The following SPDYE17 variants were observed in gnomAD, a reference collection of about 807,000 sequenced individuals.
SPDYE17 encodes the protein speedy protein E17.
For missense variants in SPDYE17, 7 were observed against 38.0 expected, an observed-to-expected ratio of 0.18 and a Z score of 2.15; for synonymous variants, 4 against 14.8, an observed-to-expected ratio of 0.27 and a Z score of 1.68.
chr7:77,029,698 CTTTT>C (rs1166509214), intron 2 of SPDYE17, among the ~76,000 whole-genome samples: 1 of 41,608 alleles, frequency 2.4e-5, no homozygotes, highest in African/African-American at 1.6e-4. Context: ...CTGAGTCCCT[CTTTT>C]TTTTTTTTTT....
At position 77,025,457 on chromosome 7, in the gene SPDYE17, T is replaced by C. The variant is rs557533111; in HGVS notation, c.495-346A>G. ...AAGACCCTCGTCTCTATTAAAAATA[T>C]AAAAAATACGCCAGACGTGGCTCAT... On this transcript the variant is annotated intron_variant, in intron 5 of 7. Transcript: ENST00000671986. 3.1e-4 allele frequency: 70 copies of C among 223,564 alleles called. 11 individuals carry two copies. The highest frequency in any genetic ancestry group is 1.8e-3 in the Admixed American group (25 of 14,026). 13.8% of individuals were successfully genotyped at this position (223,564 alleles called of 1,614,324 possible). A position where few individuals can be genotyped will look rare whatever the true frequency, so the allele number is the denominator to read the frequency against.
In SPDYE17 at chr7:77,025,517, G is replaced by C. The variant is rs1282041244; in HGVS notation, c.495-406C>G. The C allele has an allele frequency of 6.9e-5, 13 of 188,452 alleles. 2 individuals carry two copies. The highest frequency in any genetic ancestry group is 3.3e-4 in the African/African-American group (12 of 36,456). 11.7% of individuals were successfully genotyped at this position (188,452 alleles called of 1,614,324 possible). A position where few individuals can be genotyped will look rare whatever the true frequency, so the allele number is the denominator to read the frequency against. On this transcript the variant is annotated intron_variant, in intron 5 of 7. Transcript: ENST00000671986. ...CCCAGCGCTTTGGAAGGCTGAAGCA[G>C]GTGGATTGCTTGAGACCAGGAGTTT...
At chr7:77,028,003 A>T in intron 4 of SPDYE17, 139 bp downstream of exon 4, 1 of 646,886 alleles carries the variant, frequency 1.5e-6, no homozygotes, top group East Asian at 6.3e-5. Context: ...TCACAAAAAA[A>T]AACAAAAACA....
rs1004872998 is a variant in SPDYE17 at position 77,025,706 on chromosome 7, T to C, written c.495-595A>G. 2 of 128,344 alleles carry C rather than the reference T, an allele frequency of 1.6e-5. 1 individual carries two copies. Among genetic ancestry groups the C allele is most frequent in the African/African-American group, 5.9e-5 (2 of 33,626 alleles). 8.0% of individuals were successfully genotyped at this position (128,344 alleles called of 1,614,324 possible). On this transcript the variant is annotated intron_variant, in intron 5 of 7. Transcript: ENST00000671986. ...TTGCAGTGAGCCAAGATTGGGCCCC[T>C]CCATTCCAGCCTGAGAGACACAGCA...
At chr7:77,025,782 C>A (rs1202032051) in intron 5 of SPDYE17, 1 of 136,242 alleles carries the variant, frequency 7.3e-6, no homozygotes, top group Non-Finnish European at 1.5e-5. Context: ...AAATAAATAA[C>A]TGTCCAGGTG....
At chr7:77,032,178 C>A (rs1253345041) in intron 1 of SPDYE17, among the ~76,000 whole-genome samples, 62 bp downstream of exon 1, 1 of 96,168 alleles carries the variant, frequency 1.0e-5, no homozygotes, top group Non-Finnish European at 2.0e-5. Context: ...CCATTGCACT[C>A]CAGCCTGGGC....
intron 1 of SPDYE17, among the ~76,000 whole-genome samples, chr7:77,031,805 G>T (rs1357157614): frequency 2.5e-5 from 1 of 39,406 alleles, no homozygotes; most frequent in Non-Finnish European, 3.9e-5. Flanking sequence ...AGTGAGCTGT[G>T]ATCGTGACAC....
chr7:77,027,854 G>A (rs1329179990), intron 4 of SPDYE17, among the ~76,000 whole-genome samples: 5 of 130,996 alleles, frequency 3.8e-5, no homozygotes, highest in Non-Finnish European at 8.0e-5. Flanking sequence ...AAATTAGCCA[G>A]GCATGGTGGT....
chr7:77,026,606 C>T (rs1265025071), intron 5 of SPDYE17, among the ~76,000 whole-genome samples: 3 of 147,396 alleles, frequency 2.0e-5, no homozygotes, highest in African/African-American at 7.5e-5. Context: ...AGTGTCATGT[C>T]CGCTCCTCCG....
chr7:77,032,170 A>G (rs1659414245), intron 1 of SPDYE17, among the ~76,000 whole-genome samples, 70 bp downstream of exon 1: 1 of 95,498 alleles, frequency 1.0e-5, no homozygotes. Flanking sequence ...AGGTCACACC[A>G]TTGCACTCCA....
rs761251656 is a variant in SPDYE17, at chr7:77,030,080, CTTTTTT to C, written c.130+355_130+360del. On this transcript the variant is annotated intron_variant, in intron 2 of 7. Coordinates refer to ENST00000671986, the MANE Select transcript of SPDYE17 (RefSeq NM_001351351.3). ...ACCTCTGACCCTTCTTTTGTTTCTT[CTTTTTT>C]TTTTTTTTTTTTTTTGAGATAGCAT... is the stretch of plus-strand genomic sequence containing the variant. 8.8e-5 allele frequency among the ~76,000 whole-genome samples: 4 copies of C among 45,308 alleles called. 1 individual carries two copies. The highest frequency in any genetic ancestry group is 3.3e-3 in the East Asian group (2 of 600). 29.7% of individuals were successfully genotyped at this position (45,308 alleles called of 152,430 possible).
Position 77,032,210 on chromosome 7 carries a change from C to CAAA in SPDYE17, c.-454+27_-454+29dup, listed in dbSNP as rs1238120887. On this transcript the variant is annotated intron_variant, in intron 1 of 7. Coordinates refer to ENST00000671986, the MANE Select transcript of SPDYE17 (RefSeq NM_001351351.3). The stretch of plus-strand genomic sequence containing the variant: ...GGGCAACAAGAGCAAAACTACATCT[C>CAAA]AAAAAAAAAAAAAAACAAACAAAAA... 3.7e-4 allele frequency among the ~76,000 whole-genome samples: 28 copies of CAAA among 76,124 alleles called. 1 individual carries two copies. The highest frequency in any genetic ancestry group is 1.3e-3 in the East Asian group (2 of 1,538). 49.9% of individuals were successfully genotyped at this position (76,124 alleles called of 152,430 possible).
At chr7:77,026,500 C>T (rs1789434784) in intron 5 of SPDYE17, among the ~76,000 whole-genome samples, 1 of 149,984 alleles carries the variant, frequency 6.7e-6, no homozygotes, top group African/African-American at 2.4e-5. Flanking sequence ...TGGACTGTGA[C>T]CTCTGTCACG....
At chr7:77,029,615 C>G in intron 2 of SPDYE17, among the ~76,000 whole-genome samples, 164 bp from the exon 3 acceptor site, 1 of 58,946 alleles carries the variant, frequency 1.7e-5, no homozygotes, top group Admixed American at 2.6e-4. Flanking sequence ...ATGTGCCACT[C>G]CTTCCCCTCC....
chr7:77,025,538 A>G (rs912388496), intron 5 of SPDYE17: 1 of 169,874 alleles, frequency 5.9e-6, no homozygotes, highest in African/African-American at 2.8e-5. Flanking sequence ...TGAGACCAGG[A>G]GTTTGAGACC....
intron 4 of SPDYE17, 134 bp downstream of exon 4, chr7:77,028,008 A>G (rs1789461401): frequency 1.5e-6 from 1 of 673,072 alleles, no homozygotes. Context: ...AAAAAAAACA[A>G]AAACAAAAAC....
chr7:77,027,860 G>A (rs145635402), intron 4 of SPDYE17, among the ~76,000 whole-genome samples: 1,575 of 131,144 alleles, frequency 0.012, 226 homozygotes, highest in Non-Finnish European at 0.014. Context: ...GCCAGGCATG[G>A]TGGTTCATGT....
chr7:77,023,717 T>G lies in SPDYE17; in HGVS notation c.*116A>C. ...CTGCACAAATGGTTCCTCTCCTCCT[T>G]CCTGATGTCTGCCATTAGCATTGGA... On this transcript the variant is annotated 3_prime_UTR_variant, in exon 8 of 8. Coordinates refer to ENST00000671986, the MANE Select transcript of SPDYE17 (RefSeq NM_001351351.3). 3.0e-6 allele frequency: 1 copy of G among 333,662 alleles called. No individual in the cohort carries two copies. The highest frequency in any genetic ancestry group is 4.0e-6 in the Non-Finnish European group (1 of 248,726). 20.7% of individuals were successfully genotyped at this position (333,662 alleles called of 1,614,324 possible). A position where few individuals can be genotyped will look rare whatever the true frequency, so the allele number is the denominator to read the frequency against.
rs1398854866 is a variant in SPDYE17, at chr7:77,025,473, C to T, written c.495-362G>A. ...TTAAAAATATAAAAAATACGCCAGA[C>T]GTGGCTCATGCCTGTAATCCCAGCG... is the stretch of plus-strand genomic sequence containing the variant. On this transcript the variant is annotated intron_variant, in intron 5 of 7. Transcript: ENST00000671986. 1.1e-4 allele frequency: 25 copies of T among 226,180 alleles called. 3 individuals are homozygous for T. Among genetic ancestry groups the T allele is most frequent in the Non-Finnish European group, 1.6e-4 (20 of 127,752 alleles). 14.0% of individuals were successfully genotyped at this position (226,180 alleles called of 1,614,324 possible).
Sources: gnomAD v4.1 joint callset for allele counts (sites outside exome capture counted in the v4.1 genomes callset) on GRCh38, gnomAD v4.1.1 for gene constraint, MANE v1.5 for transcripts, NCBI Gene and HGNC (gene_info 2026-07-23, HGNC 2026-07-21) for gene names.